Variants in DISP1 observed in about 807,000 individuals in gnomAD.
The protein encoded by DISP1 is protein dispatched homolog 1.
In DISP1, 30 loss-of-function variants were observed where a neutral mutation model predicts 37.3. The ratio of observed to expected loss-of-function variants is 0.80; its 90% CI spans 0.60 to 1.09. The LOEUF is 1.09. DISP1 is among the 50% of genes least tolerant of loss of function. The pLI is 0.00. For synonymous variants in DISP1, 634 were observed against 690.2 expected (o/e 0.92, Z 1.28); for missense variants, 1,598 against 1,879.5 (o/e 0.85, Z 2.77).
intron 2 of DISP1, among the ~76,000 whole-genome samples, chr1:222,938,514 G>A (rs374798793): frequency 1.3e-4 from 19 of 151,510 alleles, no homozygotes; most frequent in African/African-American, 3.9e-4. Context: ...CAGGAGGATC[G>A]CTTGAGCTCT....
intron 1 of DISP1, among the ~76,000 whole-genome samples, chr1:222,834,876 C>T (rs902960858): frequency 6.6e-6 from 1 of 152,086 alleles, no homozygotes; most frequent in African/African-American, 2.4e-5. Context: ...ACTTACCTTG[C>T]AGAGTTGTTG....
intron 3 of DISP1, among the ~76,000 whole-genome samples, chr1:222,954,775 G>C (rs575313801): frequency 1.2e-4 from 18 of 152,088 alleles, no homozygotes; most frequent in Non-Finnish European, 2.4e-4. Flanking sequence ...ACTTGAGGCC[G>C]AGGCAGGAGG....
intron 1 of DISP1, among the ~76,000 whole-genome samples, chr1:222,842,408 G>A (rs1332023788): frequency 6.6e-6 from 1 of 150,920 alleles, no homozygotes; most frequent in Non-Finnish European, 1.5e-5. Context: ...AGGTATTACT[G>A]TTTTAGAAGG....
intron 1 of DISP1, among the ~76,000 whole-genome samples, chr1:222,925,840 C>T (rs1673053698): frequency 6.6e-6 from 1 of 152,120 alleles, no homozygotes; most frequent in African/African-American, 2.4e-5. Flanking sequence ...CATCAGCCCT[C>T]CAGGGAATCC....
rs933365454 is a variant in DISP1, at chr1:222,986,723, A to G, written c.539+3614A>G. Among the ~76,000 whole-genome samples the G allele has an allele frequency of 7.2e-5, 11 of 152,312 alleles. No individual in the cohort carries two copies. The East Asian group carries it at 1.9e-3, about 27-fold the overall frequency. On this transcript the variant is annotated intron_variant, in intron 4 of 8. Transcript: ENST00000675850. ...CTATTAGAGACTTAACCTATTGAGA[A>G]GATGATGTGAACTTTTATACAGCAG...
chr1:222,842,152 G>A (rs1045329571), intron 1 of DISP1, among the ~76,000 whole-genome samples: 7 of 152,004 alleles, frequency 4.6e-5, no homozygotes, highest in African/African-American at 1.7e-4. Context: ...TACAAATCAA[G>A]GTGCTTAAAT....
Position 222,927,248 on chromosome 1 carries a change from C to T in DISP1, c.-158-1182C>T, listed in dbSNP as rs768336654. 1.4e-3 allele frequency among the ~76,000 whole-genome samples: 217 copies of T among 151,908 alleles called. 1 individual carries two copies. Among genetic ancestry groups the T allele is most frequent in the Non-Finnish European group, 2.5e-3 (171 of 67,960 alleles). On this transcript the variant is annotated intron_variant, in intron 1 of 8. Coordinates refer to ENST00000675850, the MANE Select transcript of DISP1 (RefSeq NM_001377229.1). Reference sequence around the variant, plus strand: ...CAGAATGGTGGATGTGAAGTGGTATCTAATAAGATACCACTTATAAGTGGT... The same window carrying T: ...CAGAATGGTGGATGTGAAGTGGTATTTAATAAGATACCACTTATAAGTGGT...
chr1:222,985,702 G>A (rs1366316645), intron 4 of DISP1, among the ~76,000 whole-genome samples: 1 of 152,222 alleles, frequency 6.6e-6, no homozygotes, highest in East Asian at 1.9e-4. Context: ...AACCTGTCTT[G>A]TAGATATTTG....
intron 1 of DISP1, among the ~76,000 whole-genome samples, chr1:222,901,752 C>T (rs1671598773): frequency 6.6e-6 from 1 of 152,158 alleles, no homozygotes; most frequent in South Asian, 2.1e-4. Context: ...GTCTGGAACT[C>T]CTGACTTCCA....
At chr1:222,994,433 C>T (rs1421249607) in intron 7 of DISP1, among the ~76,000 whole-genome samples, 1 of 152,136 alleles carries the variant, frequency 6.6e-6, no homozygotes, top group African/African-American at 2.4e-5. Flanking sequence ...CTGTTTTTAG[C>T]GATTTTAAAT....
At chr1:222,987,966 C>T (rs1221690021) in intron 4 of DISP1, among the ~76,000 whole-genome samples, 1 of 152,164 alleles carries the variant, frequency 6.6e-6, no homozygotes, top group Non-Finnish European at 1.5e-5. Flanking sequence ...TAGTTACTTT[C>T]ATCTTAGTTT....
chr1:222,943,443 A>G, intron 3 of DISP1, 111 bp downstream of exon 3: 1 of 1,448,690 alleles, frequency 6.9e-7, no homozygotes, highest in Non-Finnish European at 9.6e-7. Context: ...CAGAAAGAAA[A>G]CATGAAAACG....
rs747946151 is a variant in DISP1, at chr1:223,004,367, G to C, written c.2970G>C (p.Leu990=). ...ATGGCACCCTCATTGCCATGGGGCT[G>C]TCAGTTGCTGTTGCATTTAGCGTGA... ...LSDGTLIAMG[L]SVAVAFSVML... is the part of the protein sequence containing the mutation. Residue 990 remains leucine, a synonymous_variant, in exon 9 of 9, where the codon CTG becomes CTC. Coordinates refer to ENST00000675850, the MANE Select transcript of DISP1 (RefSeq NM_001377229.1). The surrounding 1 kb of genome is among the most constrained non-coding windows in gnomAD (Gnocchi z 4.9). 2 of 1,614,210 alleles carry C rather than the reference G, an allele frequency of 1.2e-6. No individual in the cohort carries two copies. The highest frequency in any genetic ancestry group is 3.3e-5 in the Admixed American group (2 of 60,030).
rs551208768 is a variant in DISP1, at chr1:222,997,105, G to GATGATAAAAAC, written c.987+2133_987+2134insCATGATAAAAA. ...TCAACATGATTTATATAGATAGATA[G>GATGATAAAAAC]ATGATAAAAATCATCATGTTGAGGT... On this transcript the variant is annotated intron_variant, in intron 8 of 8. Transcript: ENST00000675850. Among the ~76,000 whole-genome samples, 514 of 151,078 alleles carry GATGATAAAAAC rather than the reference G, an allele frequency of 3.4e-3. 1 individual carries two copies. Among genetic ancestry groups the GATGATAAAAAC allele is most frequent in the African/African-American group, 0.011 (467 of 41,084 alleles).
At chr1:222,929,449 C>G (rs954958556) in intron 2 of DISP1, among the ~76,000 whole-genome samples, 2 of 151,846 alleles carry the variant, frequency 1.3e-5, no homozygotes, top group African/African-American at 4.8e-5. Context: ...TGCCTTTATT[C>G]AATGATAATG....
At position 223,005,794 on chromosome 1, in the gene DISP1, A is replaced by G; in HGVS notation, c.4397A>G (p.His1466Arg). The change falls in exon 9 of 9, where the codon CAT becomes CGT. Residue 1466 changes from histidine to arginine, a missense_variant. Coordinates refer to ENST00000675850, the MANE Select transcript of DISP1 (RefSeq NM_001377229.1). ...NQNEPKVLFN[H>R]LMGEAGCRSC... is the part of the protein sequence containing the mutation. ...AATGAACCAAAAGTCCTATTTAATC[A>G]TTTAATGGGGGAGGCTGGTTGTAGG... The G allele has an allele frequency of 6.2e-7, 1 of 1,614,226 alleles. No individual in the cohort carries two copies. The highest frequency in any genetic ancestry group is 1.1e-5 in the South Asian group (1 of 91,088).
intron 4 of DISP1, 114 bp downstream of exon 4, chr1:222,983,223 T>A (rs1677967849): frequency 1.1e-6 from 1 of 898,232 alleles, no homozygotes; most frequent in African/African-American, 1.7e-5. Flanking sequence ...CATATTTTTA[T>A]GAAAGAAAAA....
chr1:222,871,416 C>T (rs1359579080), intron 1 of DISP1, among the ~76,000 whole-genome samples: 1 of 152,070 alleles, frequency 6.6e-6, no homozygotes, highest in African/African-American at 2.4e-5. Context: ...ATTCTTCCTA[C>T]CCATGAGCAT....
chr1:222,872,926 C>A (rs1181061485), intron 1 of DISP1, among the ~76,000 whole-genome samples: 2 of 152,134 alleles, frequency 1.3e-5, no homozygotes, highest in Non-Finnish European at 2.9e-5. Context: ...TATAAATTTC[C>A]CTCTACACAC....
Sources: gnomAD v4.1 joint callset for allele counts (sites outside exome capture counted in the v4.1 genomes callset) on GRCh38, gnomAD v4.1.1 for gene constraint, Gnocchi (gnomAD v3.1) non-coding constraint, MANE v1.5 for transcripts, NCBI Gene and HGNC (gene_info 2026-07-23, HGNC 2026-07-21) for gene names.